Variants in TBC1D9 observed in about 807,000 individuals in gnomAD.
The protein encoded by TBC1D9 is TBC1 domain family member 9.
Under a neutral mutation model 132.0 loss-of-function variants are expected in TBC1D9, and 63 were observed. The observed-to-expected ratio is 0.48, with a 90% CI of 0.39 to 0.59. The LOEUF (loss-of-function observed/expected upper bound fraction) is 0.59. TBC1D9 is among the 20% of genes least tolerant of loss of function. The pLI, the probability that TBC1D9 is intolerant of heterozygous loss-of-function variation, is 0.00. For synonymous variants in TBC1D9, 610 were observed against 609.9 expected (o/e 1.00, Z 0.00); for missense variants, 1,261 against 1,592.7 (o/e 0.79, Z 3.54).
intron 13 of TBC1D9, among the ~76,000 whole-genome samples, chr4:140,655,254 T>C (rs1737249648): frequency 1.3e-5 from 2 of 152,194 alleles, no homozygotes; most frequent in African/African-American, 2.4e-5. Flanking sequence ...AACAAAGTAT[T>C]TTGCTTTCAA....
chr4:140,680,537 C>T (rs1191967564), intron 3 of TBC1D9, among the ~76,000 whole-genome samples: 1 of 152,146 alleles, frequency 6.6e-6, no homozygotes, highest in Non-Finnish European at 1.5e-5. Context: ...TTGGCTTCTA[C>T]ATATATCTCG....
intron 2 of TBC1D9, among the ~76,000 whole-genome samples, chr4:140,687,923 AAAT>A (rs1268468321): frequency 2.0e-5 from 3 of 151,956 alleles, no homozygotes; most frequent in South Asian, 2.1e-4. Flanking sequence ...CAGTTTCTAC[AAAT>A]AATAATAAGA....
At chr4:140,644,436 G>T in intron 13 of TBC1D9, 2 of 297,874 alleles carry the variant, frequency 6.7e-6, no homozygotes, top group South Asian at 5.8e-5. Context: ...CATGGGGGAC[G>T]CGCGGGGCGA....
rs746454480 is a variant in TBC1D9, at chr4:140,669,757, G to C, written c.1314C>G (p.Ser438Arg). Residue 438 changes from serine (S) to arginine (R), a missense_variant, in exon 8 of 21, where the codon AGC becomes AGG. Physicochemically the swap from Ser to Arg is moderately radical, Grantham distance 110. Around this residue, in one of 3 missense-constraint regions of TBC1D9, gnomAD observed 550 missense variants for 699.0 expected, o/e 0.79. Coordinates refer to ENST00000442267, the MANE Select transcript of TBC1D9 (RefSeq NM_015130.3). ...GCTCTCCATCAGCATCAGAGCTCGT[G>C]CTTCTCTGGGGGCTGGAGGAGACGA... The part of the protein sequence containing the change: ...SSLVSSSPQR[S>R]TSSDADGERQ... 1.6e-5 allele frequency: 26 copies of C among 1,613,878 alleles called. No individual in the cohort carries two copies. Among genetic ancestry groups the C allele is most frequent in the South Asian group, 1.1e-5 (1 of 91,090 alleles).
In TBC1D9 at chr4:140,621,409, CCT is replaced by C. The variant is rs757221484; in HGVS notation, c.*784_*785del. The C allele has an allele frequency of 6.6e-6, 1 of 152,176 alleles. No individual in the cohort carries two copies. Among genetic ancestry groups the C allele is most frequent in the Non-Finnish European group, 1.5e-5 (1 of 68,024 alleles). 9.4% of individuals were successfully genotyped at this position (152,176 alleles called of 1,614,324 possible). ...GCAAAAGCAAAAACCTGTCATGAGC[CCT>C]CTGTCTTTGCTGCTACTTTCAGATT... On this transcript the variant is annotated 3_prime_UTR_variant, in exon 21 of 21. Transcript: ENST00000442267.
intron 6 of TBC1D9, among the ~76,000 whole-genome samples, chr4:140,671,978 C>T (rs747175754): frequency 2.9e-4 from 44 of 152,106 alleles, no homozygotes; most frequent in Non-Finnish European, 4.1e-4. Flanking sequence ...TTAAGTTGTT[C>T]ATTAGCATTT....
rs188455056 is a variant in TBC1D9 at position 140,673,864 on chromosome 4, C to T, written c.1060-2938G>A. Reference sequence around the variant, plus strand: ...AAGATCTCAACAGTGTACTCTAAATCGCACTAAAATGTAAACAGAGCTAGT... The same window carrying T: ...AAGATCTCAACAGTGTACTCTAAATTGCACTAAAATGTAAACAGAGCTAGT... On this transcript the variant is annotated intron_variant, in intron 6 of 20. Coordinates refer to ENST00000442267, the MANE Select transcript of TBC1D9 (RefSeq NM_015130.3). 5.3e-5 allele frequency among the ~76,000 whole-genome samples: 8 copies of T among 152,262 alleles called. No individual in the cohort carries two copies. In the East Asian group the frequency reaches 1.4e-3, roughly 26 times the overall value.
At chr4:140,653,004 G>C (rs4956470) in intron 13 of TBC1D9, among the ~76,000 whole-genome samples, 46,026 of 151,946 alleles carry the variant, frequency 0.3, 7,133 homozygotes, top group East Asian at 0.38. Context: ...GGGCATCTCA[G>C]TCTATGAATC....
At chr4:140,675,266 T>A (rs528325759) in intron 6 of TBC1D9, among the ~76,000 whole-genome samples, 2 of 151,856 alleles carry the variant, frequency 1.3e-5, no homozygotes, top group South Asian at 4.2e-4. Context: ...GATATATTAC[T>A]CTTAAAACAA....
chr4:140,624,657 A>G (rs1179987599), intron 18 of TBC1D9, among the ~76,000 whole-genome samples: 1 of 152,200 alleles, frequency 6.6e-6, no homozygotes, highest in Non-Finnish European at 1.5e-5. Context: ...CTGAGATTCA[A>G]ATTTTACTAC....
intron 13 of TBC1D9, among the ~76,000 whole-genome samples, chr4:140,649,803 G>C (rs544284623): frequency 4.6e-5 from 7 of 152,262 alleles, no homozygotes; most frequent in African/African-American, 1.4e-4. Context: ...GAAAACTCTG[G>C]TGGAGTCCCA....
chr4:140,623,019 C>T (rs965819815), intron 20 of TBC1D9, 102 bp from the exon 21 acceptor site: 30 of 1,367,748 alleles, frequency 2.2e-5, no homozygotes, highest in Non-Finnish European at 2.7e-5. Context: ...GCCTAAAGAT[C>T]CCTGGAAAGT....
At chr4:140,754,644 G>T in intron 1 of TBC1D9, among the ~76,000 whole-genome samples, 1 of 75,574 alleles carries the variant, frequency 1.3e-5, no homozygotes, top group South Asian at 4.4e-4. Flanking sequence ...AAAAAAAAAA[G>T]GACAATGTGG....
intron 1 of TBC1D9, among the ~76,000 whole-genome samples, chr4:140,724,806 T>C (rs75071423): frequency 6.6e-6 from 1 of 152,158 alleles, no homozygotes; most frequent in African/African-American, 2.4e-5. Flanking sequence ...CTTGTAAACA[T>C]GAAAAAATGT....
chr4:140,659,423 A>G, intron 11 of TBC1D9, 165 bp downstream of exon 11: 5 of 539,184 alleles, frequency 9.3e-6, no homozygotes, highest in Non-Finnish European at 1.7e-5. Flanking sequence ...TCCTTTGTAT[A>G]CAACCTATAT....
At chr4:140,753,391 G>A (rs1281363148) in intron 1 of TBC1D9, among the ~76,000 whole-genome samples, 1 of 152,138 alleles carries the variant, frequency 6.6e-6, no homozygotes, top group Non-Finnish European at 1.5e-5. Flanking sequence ...ACCATGCCCA[G>A]TTCCTTAGCT....
intron 1 of TBC1D9, among the ~76,000 whole-genome samples, chr4:140,726,691 G>A (rs1738506785): frequency 6.6e-6 from 1 of 152,140 alleles, no homozygotes; most frequent in Admixed American, 6.5e-5. Context: ...TACTTATTGT[G>A]CAAGATGAGA....
intron 1 of TBC1D9, among the ~76,000 whole-genome samples, chr4:140,750,991 T>C (rs1187510873): frequency 6.6e-6 from 1 of 152,116 alleles, no homozygotes; most frequent in African/African-American, 2.4e-5. Flanking sequence ...AATGCATCAA[T>C]ATTTTCAACT....
chr4:140,680,961 G>T (rs961926553), intron 3 of TBC1D9, among the ~76,000 whole-genome samples: 1 of 152,104 alleles, frequency 6.6e-6, no homozygotes, highest in East Asian at 1.9e-4. Context: ...TGTACACTTT[G>T]TTTGTTTTAA....
Sources: allele counts gnomAD v4.1 joint callset (sites outside exome capture counted in the v4.1 genomes callset), GRCh38; gene constraint gnomAD v4.1.1; regional missense constraint gnomAD v4.1.1; transcripts MANE v1.5; gene names NCBI Gene and HGNC (gene_info 2026-07-23, HGNC 2026-07-21).